PLA2R1: variants seen among roughly 807,000 people sequenced by gnomAD.
PLA2R1 encodes phospholipase A2 receptor 1, also known as secretory phospholipase A2 receptor.
PLA2R1 carries 158 observed loss-of-function variants against 195.9 expected under a neutral mutation model. The observed-to-expected ratio is 0.81, with a 90% confidence interval of 0.71 to 0.92. The LOEUF (loss-of-function observed/expected upper bound fraction) is 0.92. Among genes scored for constraint, PLA2R1 ranks in the 40% least tolerant of loss-of-function variants. The pLI is 0.00. For synonymous variants in PLA2R1, 586 were observed against 598.2 expected (o/e 0.98, Z 0.30); for missense variants, 1,626 against 1,764.6 (o/e 0.92, Z 1.41).
chr2:159,977,192 G>T, intron 15 of PLA2R1, 92 bp downstream of exon 15: 2 of 896,906 alleles, frequency 2.2e-6, no homozygotes, highest in South Asian at 1.8e-5. Context: ...CATGCAATTT[G>T]TTGATATTGT....
intron 24 of PLA2R1, among the ~76,000 whole-genome samples, chr2:159,950,238 A>C (rs760975687): frequency 7.2e-4 from 109 of 152,238 alleles, no homozygotes; most frequent in Non-Finnish European, 1.3e-3. Context: ...ATGATGCAAT[A>C]AATAATCATG....
rs1231109219 is a variant in PLA2R1 at position 159,936,412 on chromosome 2, T to C, written c.*5366A>G. 1.3e-5 allele frequency: 2 copies of C among 152,204 alleles called. No individual in the cohort carries two copies. The highest frequency in any genetic ancestry group is 1.9e-4 in the East Asian group (1 of 5,204). 9.4% of individuals were successfully genotyped at this position (152,204 alleles called of 1,614,324 possible). On this transcript the variant is annotated 3_prime_UTR_variant, in exon 30 of 30. Transcript: ENST00000283243. ...GATAGTATATGTCAAACTAAAATGA[T>C]AGCAAATGGATCTGTTAATGAAATG...
At position 159,947,546 on chromosome 2, in the gene PLA2R1, A is replaced by G. The variant is rs1162239463; in HGVS notation, c.3723T>C (p.Ser1241=). ...ICHVPPETRQ[S]EHPELCSETS... ...TTTCTGAGCACAACTCTGGGTGTTC[A>G]GATTGTCTTGTTTCTGTGAAGAAAA... Residue 1241 remains serine (S), a synonymous_variant, in exon 26 of 30, where the codon TCT becomes TCC. Transcript: ENST00000283243. 1 of 1,613,080 alleles carries G rather than the reference A, an allele frequency of 6.2e-7. No homozygotes were observed.
At chr2:159,988,862 A>G (rs1690548463) in intron 11 of PLA2R1, among the ~76,000 whole-genome samples, 1 of 152,210 alleles carries the variant, frequency 6.6e-6, no homozygotes. Flanking sequence ...AAGAAAGAAG[A>G]CAAAGGAAGA....
At chr2:159,983,714 A>G (rs1290746782) in intron 13 of PLA2R1, among the ~76,000 whole-genome samples, 10 of 152,194 alleles carry the variant, frequency 6.6e-5, no homozygotes, top group Admixed American at 6.5e-4. Flanking sequence ...AAGATTTCAA[A>G]TATCTAAACA....
At chr2:160,032,396 G>A (rs1693909996) in intron 4 of PLA2R1, among the ~76,000 whole-genome samples, 1 of 152,182 alleles carries the variant, frequency 6.6e-6, no homozygotes, top group South Asian at 2.1e-4. Flanking sequence ...GAAGTAAGAG[G>A]AGAGTTTAGG....
intron 9 of PLA2R1, among the ~76,000 whole-genome samples, chr2:160,016,163 C>G (rs1056311067): frequency 6.6e-6 from 1 of 150,410 alleles, no homozygotes; most frequent in African/African-American, 2.4e-5. Context: ...ACTCGGGAGG[C>G]TGAGGCATGC....
rs753601906 is a variant in PLA2R1, at chr2:159,947,567, G to A, written c.3710-8C>T. 18 of 1,612,450 alleles carry A rather than the reference G, an allele frequency of 1.1e-5. No homozygotes were observed. Among genetic ancestry groups the A allele is most frequent in the Non-Finnish European group, 1.4e-5 (17 of 1,179,264 alleles). On this transcript the variant is annotated splice_polypyrimidine_tract_variant and splice_region_variant and intron_variant, in intron 25 of 29. Transcript: ENST00000283243. ...GTTCAGATTGTCTTGTTTCTGTGAA[G>A]AAAAGCCAGTTATGATTTCAGGGTG...
At chr2:159,987,726 T>C (rs781045472) in intron 11 of PLA2R1, among the ~76,000 whole-genome samples, 3 of 152,186 alleles carry the variant, frequency 2.0e-5, no homozygotes, top group Non-Finnish European at 4.4e-5. Context: ...GAAAGGTGCA[T>C]AGTGCTCATC....
At chr2:160,000,947 T>A (rs1340111307) in intron 11 of PLA2R1, among the ~76,000 whole-genome samples, 2 of 151,994 alleles carry the variant, frequency 1.3e-5, no homozygotes, top group Non-Finnish European at 2.9e-5. Flanking sequence ...TAAAAGGAAA[T>A]ATTAGAATGA....
intron 1 of PLA2R1, among the ~76,000 whole-genome samples, chr2:160,046,892 A>T (rs1694907938): frequency 1.3e-5 from 2 of 151,380 alleles, no homozygotes; most frequent in South Asian, 2.1e-4. Context: ...CTTCTGTCCA[A>T]CTCTCCTTTT....
At chr2:159,986,374 C>T (rs991205387) in intron 12 of PLA2R1, among the ~76,000 whole-genome samples, 2 of 152,064 alleles carry the variant, frequency 1.3e-5, no homozygotes, top group Non-Finnish European at 2.9e-5. Flanking sequence ...AGTACTCAAC[C>T]TGTAATAAAG....
At chr2:159,984,530 A>G (rs1305311786) in intron 12 of PLA2R1, among the ~76,000 whole-genome samples, 1 of 152,208 alleles carries the variant, frequency 6.6e-6, no homozygotes, top group Non-Finnish European at 1.5e-5. Flanking sequence ...CTTCTGACAG[A>G]TTAGAATTAG....
intron 6 of PLA2R1, 122 bp downstream of exon 6, chr2:160,028,096 A>G (rs1693632568): frequency 3.2e-6 from 2 of 623,402 alleles, no homozygotes; most frequent in Non-Finnish European, 5.5e-6. Context: ...CTTTTCATAT[A>G]AATATAAACT....
chr2:159,928,820 C>T (rs1208666775), downstream of PLA2R1, among the ~76,000 whole-genome samples: 4 of 152,152 alleles, frequency 2.6e-5, no homozygotes, highest in African/African-American at 9.7e-5. Flanking sequence ...ACCAATGGAA[C>T]AGAATAGAGA....
At position 159,932,530 on chromosome 2, in the gene PLA2R1, TC is replaced by T. The variant is rs1223768664; in HGVS notation, c.*9247del. ...CTCCCCATTCCTTTCTTTGAGTTTTTCCTTGTTCTGCCTTCTGGTTCTCTAT... is the reference window on the plus strand; with the variant it reads ...CTCCCCATTCCTTTCTTTGAGTTTTTCTTGTTCTGCCTTCTGGTTCTCTAT... On this transcript the variant is annotated 3_prime_UTR_variant, in exon 30 of 30. Transcript: ENST00000283243. 2.0e-5 allele frequency: 3 copies of T among 152,310 alleles called. No homozygotes were observed. The highest frequency in any genetic ancestry group is 7.2e-5 in the African/African-American group (3 of 41,458). 9.4% of individuals were successfully genotyped at this position (152,310 alleles called of 1,614,324 possible).
chr2:159,955,059 T>A (rs1281534109), intron 23 of PLA2R1, 140 bp downstream of exon 23: 2 of 627,410 alleles, frequency 3.2e-6, no homozygotes, highest in Non-Finnish European at 5.6e-6. Flanking sequence ...ACTAAACTTA[T>A]GTAAAGCCAA....
intron 10 of PLA2R1, among the ~76,000 whole-genome samples, chr2:160,006,515 G>A (rs1240068721): frequency 6.6e-6 from 1 of 152,180 alleles, no homozygotes; most frequent in Non-Finnish European, 1.5e-5. Flanking sequence ...ATTGGTGGCA[G>A]TGCCCCCTTT....
chr2:160,036,913 T>C (rs1405980649), intron 3 of PLA2R1, among the ~76,000 whole-genome samples: 1 of 152,120 alleles, frequency 6.6e-6, no homozygotes, highest in Non-Finnish European at 1.5e-5. Flanking sequence ...AGGTGGCGAA[T>C]TCTTCTTTTA....
Sources: gnomAD v4.1 joint callset for allele counts (sites outside exome capture counted in the v4.1 genomes callset) on GRCh38, gnomAD v4.1.1 for gene constraint, MANE v1.5 for transcripts, NCBI Gene and HGNC (gene_info 2026-07-23, HGNC 2026-07-21) for gene names.